Variants in COL22A1 observed in about 807,000 individuals in gnomAD.
COL22A1 encodes the protein collagen alpha-1(XXII) chain.
In COL22A1, 221 loss-of-function variants were observed where a neutral mutation model predicts 248.9. That is an observed-to-expected ratio of 0.89 (90% CI 0.80 to 0.99). The LOEUF (loss-of-function observed/expected upper bound fraction) is 0.99, where lower values mean the gene tolerates loss of function less well. Among genes scored for constraint, COL22A1 ranks in the 50% least tolerant of loss-of-function variants. The pLI is 0.00. For missense variants in COL22A1, 2,240 were observed against 2,179.0 expected (o/e 1.03, Z -0.56); for synonymous variants, 891 against 793.4 (o/e 1.12, Z -2.07).
At chr8:138,717,575 C>T (rs1478495918) in intron 27 of COL22A1, among the ~76,000 whole-genome samples, 1 of 152,098 alleles carries the variant, frequency 6.6e-6, no homozygotes, top group African/African-American at 2.4e-5. Context: ...AAAATTATCC[C>T]ACCTCAACCT....
intron 3 of COL22A1, among the ~76,000 whole-genome samples, chr8:138,849,196 G>A (rs758635586): frequency 2.8e-4 from 43 of 152,172 alleles, no homozygotes; most frequent in Non-Finnish European, 3.4e-4. Flanking sequence ...GGGACTGAGC[G>A]CCCGCGTGGC....
intron 51 of COL22A1, among the ~76,000 whole-genome samples, chr8:138,624,465 G>A (rs778712282): frequency 2.6e-5 from 4 of 152,118 alleles, no homozygotes; most frequent in Non-Finnish European, 5.9e-5. Context: ...CCATTGGAAG[G>A]AAAGAAAGGA....
intron 16 of COL22A1, among the ~76,000 whole-genome samples, chr8:138,775,234 A>G (rs1364353285): frequency 2.0e-5 from 3 of 152,164 alleles, no homozygotes. Flanking sequence ...GGAAGAGTAC[A>G]CTGAAAATTC....
At chr8:138,688,282 A>G (rs552437181) in intron 37 of COL22A1, among the ~76,000 whole-genome samples, 2 of 151,926 alleles carry the variant, frequency 1.3e-5, no homozygotes, top group East Asian at 3.9e-4. Context: ...GCACTTTGGG[A>G]GGCCAAGGCG....
chr8:138,748,103 C>A (rs1195702782), intron 22 of COL22A1, among the ~76,000 whole-genome samples: 2 of 152,158 alleles, frequency 1.3e-5, no homozygotes, highest in Non-Finnish European at 2.9e-5. Context: ...TCAATGCTCC[C>A]ATTGACTCCC....
intron 4 of COL22A1, among the ~76,000 whole-genome samples, chr8:138,836,184 T>C (rs2131834519): frequency 6.6e-6 from 1 of 152,138 alleles, no homozygotes; most frequent in South Asian, 2.1e-4. Context: ...GGCAGGAGAA[T>C]TGCTTGGACT....
chr8:138,683,544 G>C (rs1826114197), intron 39 of COL22A1, among the ~76,000 whole-genome samples: 1 of 152,162 alleles, frequency 6.6e-6, no homozygotes, highest in South Asian at 2.1e-4. Flanking sequence ...CTGTCACTAG[G>C]TGTTGGTGGA....
At chr8:138,790,303 T>C (rs927842037) in intron 12 of COL22A1, among the ~76,000 whole-genome samples, 5 of 152,122 alleles carry the variant, frequency 3.3e-5, no homozygotes, top group African/African-American at 1.2e-4. Context: ...AATCCAGTCA[T>C]TCATAAAGGC....
chr8:138,589,889 T>A (rs1816891404), intron 64 of COL22A1, among the ~76,000 whole-genome samples: 1 of 152,168 alleles, frequency 6.6e-6, no homozygotes, highest in Admixed American at 6.5e-5. Context: ...CATTCCATTG[T>A]GTAACATCCA....
intron 27 of COL22A1, among the ~76,000 whole-genome samples, chr8:138,718,832 A>G (rs1163316608): frequency 6.6e-6 from 1 of 152,238 alleles, no homozygotes; most frequent in Non-Finnish European, 1.5e-5. Flanking sequence ...GAATCTTTCA[A>G]CCATGAGTGA....
intron 22 of COL22A1, among the ~76,000 whole-genome samples, chr8:138,748,140 G>A (rs1434856385): frequency 1.3e-5 from 2 of 152,032 alleles, no homozygotes; most frequent in South Asian, 2.1e-4. Context: ...CTCCTGCAAG[G>A]CCACCTCAAA....
At chr8:138,643,699 A>T (rs7813059) in intron 47 of COL22A1, among the ~76,000 whole-genome samples, 125,470 of 150,662 alleles carry the variant, frequency 0.83, 53,473 homozygotes, top group East Asian at 0.96. Flanking sequence ...TATTTTATAT[A>T]TATTTTAAAA....
In COL22A1 at chr8:138,613,909, T is replaced by C; in HGVS notation, c.3936A>G (p.Gly1312=). 3 of 1,613,262 alleles carry C rather than the reference T, an allele frequency of 1.9e-6. No individual in the cohort carries two copies. Among genetic ancestry groups the C allele is most frequent in the South Asian group, 1.1e-5 (1 of 91,058 alleles). The change falls in exon 56 of 65, where the codon GGA becomes GGG. Residue 1312 remains glycine (G), a synonymous_variant. Coordinates refer to ENST00000303045, the MANE Select transcript of COL22A1 (RefSeq NM_152888.3). The part of the protein sequence containing the change: ...EGLPGKDGDT[G]PTGPQGPQGP... ...CTTGGGGACCCTGTGGCCCAGTGGG[T>C]CCAGTGTCACCCTGGAACAAAGACA...
chr8:138,881,421 C>T (rs1455703123), intron 2 of COL22A1, among the ~76,000 whole-genome samples: 1 of 152,032 alleles, frequency 6.6e-6, no homozygotes, highest in East Asian at 1.9e-4. Flanking sequence ...TGTGGTGGCT[C>T]ATGCCTGTAA....
intron 58 of COL22A1, among the ~76,000 whole-genome samples, chr8:138,605,225 T>C (rs1269402903): frequency 6.6e-6 from 1 of 152,188 alleles, no homozygotes; most frequent in Non-Finnish European, 1.5e-5. Flanking sequence ...CCTCAGTGTC[T>C]TCATCTGTAA....
At chr8:138,908,663 A>G (rs192292461) in intron 1 of COL22A1, among the ~76,000 whole-genome samples, 1 of 152,200 alleles carries the variant, frequency 6.6e-6, no homozygotes, top group South Asian at 2.1e-4. Flanking sequence ...AATTCACAGG[A>G]GGAAAGGATC....
intron 22 of COL22A1, among the ~76,000 whole-genome samples, chr8:138,744,190 T>G (rs894585514): frequency 4.6e-5 from 7 of 152,172 alleles, no homozygotes; most frequent in African/African-American, 1.7e-4. Context: ...GATTTTAGAA[T>G]GAAAAAGGAA....
intron 4 of COL22A1, among the ~76,000 whole-genome samples, chr8:138,838,668 A>G (rs1490610166): frequency 7.6e-6 from 1 of 131,492 alleles, no homozygotes; most frequent in East Asian, 2.5e-4. Flanking sequence ...AGCAAAGGGC[A>G]CCAAAAAAAA....
In COL22A1 at chr8:138,615,877, A is replaced by ATGTC. The variant is rs1172540623; in HGVS notation, c.3924+120_3924+123dup. The ATGTC allele has an allele frequency of 6.1e-5, 42 of 691,868 alleles. No homozygotes were observed. In the East Asian group the frequency reaches 1.1e-3, roughly 19 times the overall value. 42.9% of individuals were successfully genotyped at this position (691,868 alleles called of 1,614,324 possible). A position where few individuals can be genotyped will look rare whatever the true frequency, so the allele number is the denominator to read the frequency against. On this transcript the variant is annotated intron_variant, in intron 55 of 64. Transcript: ENST00000303045. ...CTCATCCTTGCCAACCAATCCTGTG[A>ATGTC]TGTCATCTGTGTGCCTCTTGGCAGT...
Sources: allele counts gnomAD v4.1 joint callset (sites outside exome capture counted in the v4.1 genomes callset), GRCh38; gene constraint gnomAD v4.1.1; transcripts MANE v1.5; gene names NCBI Gene and HGNC (gene_info 2026-07-23, HGNC 2026-07-21).